Variants in SHROOM2 observed in about 807,000 individuals in gnomAD.
SHROOM2 encodes the protein protein Shroom2.
In SHROOM2, 33 loss-of-function variants were observed where a neutral mutation model predicts 75.9. The ratio of observed to expected loss-of-function variants is 0.43; its 90% confidence interval spans 0.33 to 0.58. The LOEUF (loss-of-function observed/expected upper bound fraction) is 0.58, where lower values mean the gene tolerates loss of function less well. Ranked by LOEUF, SHROOM2 falls within the 20% of genes least tolerant of loss-of-function variation. SHROOM2 has a pLI of 0.04. For missense variants in SHROOM2, 1,434 were observed against 1,461.2 expected (o/e 0.98, Z 0.30); for synonymous variants, 655 against 663.6 (o/e 0.99, Z 0.20).
At chrX:9,824,941 C>T (rs1014594635) in intron 1 of SHROOM2, among the ~76,000 whole-genome samples, 5 of 111,481 alleles carry the variant, frequency 4.5e-5, no homozygotes, top group East Asian at 2.8e-4. Context: ...ACCCCCATCT[C>T]GAGATGGCCT....
intron 3 of SHROOM2, 26 bp from the exon 4 acceptor site, chrX:9,894,332 C>A (rs1251320841): frequency 1.7e-6 from 2 of 1,188,683 alleles, no homozygotes; most frequent in East Asian, 6.0e-5. Flanking sequence ...GCACACCATG[C>A]CTTGTCCTTC....
In SHROOM2 at chrX:9,932,183, A is replaced by T; in HGVS notation, c.2900A>T (p.Asp967Val). ...EEGQSTPRQADAQCREGSPGS... is the reference protein window; with the variant it reads ...EEGQSTPRQAVAQCREGSPGS... ...ACTTGTTCTTCCTCTAGACAAGCAG[A>T]TGCCCAGTGTCGGGAAGGCAGCCCA... The change falls in exon 6 of 10, where the codon GAT becomes GTT. Residue 967 changes from aspartate (D) to valine (V), a missense_variant. Around this residue, in one of 3 missense-constraint regions of SHROOM2, gnomAD observed 1,340 missense variants for 1,338.3 expected, o/e 1.00. Coordinates refer to ENST00000380913, the MANE Select transcript of SHROOM2 (RefSeq NM_001649.4). 3 of 1,133,418 alleles carry T rather than the reference A, an allele frequency of 2.6e-6. No individual in the cohort carries two copies. The highest frequency in any genetic ancestry group is 4.4e-5 in the South Asian group (2 of 45,810). The allele number at this position is 1,133,418 out of a possible 1,213,427, so 93.4% of individuals were successfully genotyped here.
chrX:9,799,314 C>T (rs1350866335), intron 1 of SHROOM2, among the ~76,000 whole-genome samples: 5 of 107,778 alleles, frequency 4.6e-5, no homozygotes, highest in Non-Finnish European at 9.6e-5. Flanking sequence ...ATTACAGGTG[C>T]GCCACCGCGC....
chrX:9,851,445 G>GT (rs2084038990), intron 1 of SHROOM2, among the ~76,000 whole-genome samples: 3 of 51,561 alleles, frequency 5.8e-5, no homozygotes, highest in Admixed American at 3.3e-4. Flanking sequence ...CCAGGATATT[G>GT]CTTTTTTTTT....
intron 1 of SHROOM2, among the ~76,000 whole-genome samples, chrX:9,823,080 TC>T (rs1180193765): frequency 5.6e-5 from 4 of 71,994 alleles, no homozygotes; most frequent in African/African-American, 1.7e-4. Flanking sequence ...TCCTCCCTTC[TC>T]CCTTCTCCTC....
At chrX:9,819,340 C>A in intron 1 of SHROOM2, 1 of 496,197 alleles carries the variant, frequency 2.0e-6, no homozygotes. Flanking sequence ...CAATTAAGCG[C>A]CTTTGCAGTG....
chrX:9,804,268 G>A (rs2083739991), intron 1 of SHROOM2, among the ~76,000 whole-genome samples: 1 of 111,571 alleles, frequency 9.0e-6, no homozygotes, highest in African/African-American at 3.3e-5. Flanking sequence ...AGCAGGGCAA[G>A]GCTGGGTGCA....
chrX:9,801,325 G>C (rs1451031308), intron 1 of SHROOM2, among the ~76,000 whole-genome samples: 1 of 111,669 alleles, frequency 9.0e-6, no homozygotes, highest in African/African-American at 3.3e-5. Flanking sequence ...ATGAGATTTG[G>C]GTGGGGACAC....
intron 1 of SHROOM2, among the ~76,000 whole-genome samples, chrX:9,807,854 A>G (rs1200194649): frequency 9.0e-6 from 1 of 111,629 alleles, no homozygotes; most frequent in Non-Finnish European, 1.9e-5. Context: ...CCTGCTGCTA[A>G]CTTGACTGCT....
intron 5 of SHROOM2, among the ~76,000 whole-genome samples, chrX:9,923,865 A>G (rs1030987109): frequency 8.9e-6 from 1 of 111,902 alleles, no homozygotes; most frequent in East Asian, 2.8e-4. Context: ...TTCTCTTTTA[A>G]TCTTCTCTGT....
At position 9,932,876 on chromosome X, in the gene SHROOM2, G is replaced by A; in HGVS notation, c.3587+6G>A. ...CAGGATGAGGATTCAACCAGGTACT[G>A]TCCTGCGACGGTGTTCCCTCCCCAT... On this transcript the variant is annotated splice_donor_region_variant and intron_variant, in intron 6 of 9. Coordinates refer to ENST00000380913, the MANE Select transcript of SHROOM2 (RefSeq NM_001649.4). 1 of 1,162,565 alleles carries A rather than the reference G, an allele frequency of 8.6e-7. No homozygotes were observed. Among genetic ancestry groups the A allele is most frequent in the East Asian group, 3.0e-5 (1 of 33,340 alleles).
intron 1 of SHROOM2, among the ~76,000 whole-genome samples, chrX:9,797,520 C>T (rs1177024524): frequency 4.4e-5 from 5 of 112,923 alleles, no homozygotes; most frequent in Non-Finnish European, 9.4e-5. Flanking sequence ...GCTTCTTTTA[C>T]ACCCATGCTG....
In SHROOM2 at chrX:9,932,190, G is replaced by A. The variant is rs773732618; in HGVS notation, c.2907G>A (p.Gln969=). The change falls in exon 6 of 10, where the codon CAG becomes CAA. Residue 969 remains glutamine, a synonymous_variant. Coordinates refer to ENST00000380913, the MANE Select transcript of SHROOM2 (RefSeq NM_001649.4). ...GQSTPRQADA[Q]CREGSPGSQQ... ...CTTCCTCTAGACAAGCAGATGCCCA[G>A]TGTCGGGAAGGCAGCCCAGGATCAC... The A allele has an allele frequency of 8.8e-7, 1 of 1,134,772 alleles. No homozygotes were observed. The highest frequency in any genetic ancestry group is 1.2e-6 in the Non-Finnish European group (1 of 858,306). 93.5% of individuals were successfully genotyped at this position (1,134,772 alleles called of 1,213,427 possible).
At chrX:9,892,006 T>C (rs2084296599) in intron 3 of SHROOM2, among the ~76,000 whole-genome samples, 1 of 110,325 alleles carries the variant, frequency 9.1e-6, no homozygotes, top group Admixed American at 9.7e-5. Context: ...ATGTCTGTAA[T>C]CCCAACACTT....
chrX:9,844,708 G>A (rs1045560911), intron 1 of SHROOM2, among the ~76,000 whole-genome samples: 6 of 110,128 alleles, frequency 5.4e-5, no homozygotes, highest in African/African-American at 1.0e-4. Context: ...CCAGCTATTC[G>A]GGAGGCTGAG....
chrX:9,807,455 C>G (rs949366225), intron 1 of SHROOM2, among the ~76,000 whole-genome samples: 1 of 111,879 alleles, frequency 8.9e-6, no homozygotes, highest in Admixed American at 9.5e-5. Context: ...CCCTGGGAGA[C>G]AGGAACAGGC....
intron 1 of SHROOM2, among the ~76,000 whole-genome samples, chrX:9,813,043 TGTG>T (rs1232448751): frequency 1.8e-5 from 2 of 111,993 alleles, no homozygotes; most frequent in African/African-American, 6.5e-5. Context: ...TGAACGGGGA[TGTG>T]GTGGGAATCA....
chrX:9,854,436 G>T (rs764392637), intron 1 of SHROOM2, among the ~76,000 whole-genome samples: 1 of 111,947 alleles, frequency 8.9e-6, no homozygotes, highest in South Asian at 3.8e-4. Context: ...AGTTGAGGGA[G>T]TGGAGCCCAG....
intron 1 of SHROOM2, among the ~76,000 whole-genome samples, chrX:9,832,728 G>T: frequency 1.0e-5 from 1 of 96,123 alleles, no homozygotes; most frequent in Non-Finnish European, 2.1e-5. Flanking sequence ...TAACGTGTGT[G>T]CAGGTTGCAG....
Sources: gnomAD v4.1 joint callset for allele counts (sites outside exome capture counted in the v4.1 genomes callset) on GRCh38, gnomAD v4.1.1 for gene constraint, gnomAD v4.1.1 regional missense constraint, MANE v1.5 for transcripts, NCBI Gene and HGNC (gene_info 2026-07-23, HGNC 2026-07-21) for gene names.